DMGDH: variants seen among roughly 807,000 people sequenced by gnomAD.
DMGDH encodes the protein dimethylglycine dehydrogenase, also known as dimethylglycine dehydrogenase, mitochondrial.
DMGDH carries 76 observed loss-of-function variants against 95.2 expected under a neutral mutation model. The observed-to-expected ratio is 0.80, with a 90% CI of 0.66 to 0.97. The LOEUF (loss-of-function observed/expected upper bound fraction) is 0.97, where lower values mean the gene tolerates loss of function less well. Among genes scored for constraint, DMGDH ranks in the 50% least tolerant of loss-of-function variants. The pLI is 0.00. For synonymous variants in DMGDH, 345 were observed against 377.6 expected, an observed-to-expected ratio of 0.91 and a Z score of 1.00; for missense variants, 987 against 1,055.0, an observed-to-expected ratio of 0.94 and a Z score of 0.89.
At position 79,005,659 on chromosome 5, in the gene DMGDH, C is replaced by A. The variant is rs147240816; in HGVS notation, c.2251-252G>T. Among the ~76,000 whole-genome samples, 82 of 152,178 alleles carry A rather than the reference C, an allele frequency of 5.4e-4. 1 individual carries two copies. Among genetic ancestry groups the A allele is most frequent in the Admixed American group, 5.2e-3 (79 of 15,288 alleles). ...ACAATTTACCAGAACCAGGCAGAAA[C>A]CTAGGCAGAAAAACATAAGGCATGT... On this transcript the variant is annotated intron_variant, in intron 14 of 15. Coordinates refer to ENST00000255189, the MANE Select transcript of DMGDH (RefSeq NM_013391.3).
In DMGDH at chr5:79,030,048, T is replaced by C. The variant is rs1253889990; in HGVS notation, c.1684-14A>G. ...TGTAAAACCCACCTACATAAAAAAATTAAAAATTACCTTAGGATGAACTAA... is the reference window on the plus strand; with the variant it reads ...TGTAAAACCCACCTACATAAAAAAACTAAAAATTACCTTAGGATGAACTAA... On this transcript the variant is annotated splice_polypyrimidine_tract_variant and intron_variant, in intron 10 of 15. Transcript: ENST00000255189. 6.2e-7 allele frequency: 1 copy of C among 1,608,806 alleles called. No homozygotes were observed. Among genetic ancestry groups the C allele is most frequent in the African/African-American group, 1.3e-5 (1 of 74,574 alleles).
chr5:79,041,717 G>A (rs977143757), intron 7 of DMGDH, among the ~76,000 whole-genome samples: 10 of 151,706 alleles, frequency 6.6e-5, no homozygotes, highest in Non-Finnish European at 1.2e-4. Flanking sequence ...CCAGGAGGCC[G>A]GGTGCGGTGG....
At chr5:79,043,712 T>C (rs1449081181) in intron 6 of DMGDH, among the ~76,000 whole-genome samples, 2 of 152,220 alleles carry the variant, frequency 1.3e-5, no homozygotes, top group East Asian at 3.8e-4. Flanking sequence ...TGTGGAAGTA[T>C]TTCATGAAAA....
intron 2 of DMGDH, among the ~76,000 whole-genome samples, chr5:79,060,516 C>T (rs939261903): frequency 1.3e-5 from 2 of 152,222 alleles, no homozygotes; most frequent in African/African-American, 4.8e-5. Context: ...TCATGGAGCA[C>T]ATATCGTGCT....
At chr5:79,065,488 A>G (rs1755351947) in intron 1 of DMGDH, among the ~76,000 whole-genome samples, 1 of 152,228 alleles carries the variant, frequency 6.6e-6, no homozygotes, top group South Asian at 2.1e-4. Context: ...CTGGGATTAC[A>G]GGCATGAGCC....
At chr5:78,998,353 A>T (rs1216997524) in intron 15 of DMGDH, 56 bp from the exon 16 acceptor site, 1 of 1,535,248 alleles carries the variant, frequency 6.5e-7, no homozygotes, top group Non-Finnish European at 8.9e-7. Context: ...TGTGCTCCTC[A>T]TCTCTGGGTG....
intron 14 of DMGDH, among the ~76,000 whole-genome samples, chr5:79,009,747 C>T (rs531995875): frequency 6.6e-6 from 1 of 152,300 alleles, no homozygotes; most frequent in South Asian, 2.1e-4. Context: ...CTCAAACCAA[C>T]AAGGCTCCTG....
At chr5:79,067,337 G>A (rs1755409588) in intron 1 of DMGDH, among the ~76,000 whole-genome samples, 3 of 152,180 alleles carry the variant, frequency 2.0e-5, no homozygotes, top group African/African-American at 7.2e-5. Context: ...TAAACAGACT[G>A]GGCATATCTT....
intron 9 of DMGDH, 68 bp from the exon 10 acceptor site, chr5:79,031,066 T>C: frequency 1.9e-6 from 3 of 1,557,996 alleles, no homozygotes; most frequent in Non-Finnish European, 2.6e-6. Flanking sequence ...GAATACGATA[T>C]TTTAATAAGC....
chr5:79,044,232 G>A, intron 6 of DMGDH, 72 bp downstream of exon 6: 1 of 1,600,114 alleles, frequency 6.2e-7, no homozygotes. Flanking sequence ...TTATTCTACA[G>A]CCATCCTCCA....
At chr5:79,002,731 C>T (rs1197565690) in intron 15 of DMGDH, among the ~76,000 whole-genome samples, 1 of 152,146 alleles carries the variant, frequency 6.6e-6, no homozygotes, top group Admixed American at 6.5e-5. Flanking sequence ...CAAGTCAAGA[C>T]AAAGTCTGAA....
chr5:79,052,487 G>C (rs1362659347), intron 4 of DMGDH, among the ~76,000 whole-genome samples: 2 of 152,154 alleles, frequency 1.3e-5, no homozygotes, highest in Non-Finnish European at 2.9e-5. Flanking sequence ...ATTTATTATA[G>C]GTCTTGTGCA....
Position 79,003,947 on chromosome 5 carries a change from A to AAAAT in DMGDH, c.2385+1322_2385+1325dup, listed in dbSNP as rs562382857. Among the ~76,000 whole-genome samples the AAAAT allele has an allele frequency of 3.5e-4, 53 of 151,018 alleles. 1 individual carries two copies. In the South Asian group the frequency reaches 7.7e-3, roughly 22 times the overall value. On this transcript the variant is annotated intron_variant, in intron 15 of 15. Transcript: ENST00000255189. ...GGGCAACAGAGTAAGGCTCTGTCTCAAAATAAATAAATAAATAAATAAAAA... is the reference window on the plus strand; with the variant it reads ...GGGCAACAGAGTAAGGCTCTGTCTCAAAATAAATAAATAAATAAATAAATAAAAA...
intron 2 of DMGDH, among the ~76,000 whole-genome samples, chr5:79,061,729 G>A (rs888656283): frequency 3.3e-5 from 5 of 151,966 alleles, no homozygotes; most frequent in Admixed American, 6.6e-5. Flanking sequence ...AGACCAGCCC[G>A]GGCAACATAG....
In DMGDH at chr5:79,044,366, G is replaced by A. The variant is rs1254126456; in HGVS notation, c.932C>T (p.Pro311Leu). 1.2e-6 allele frequency: 2 copies of A among 1,614,012 alleles called. No homozygotes were observed. Among genetic ancestry groups the A allele is most frequent in the African/African-American group, 1.3e-5 (1 of 74,930 alleles). The change falls in exon 6 of 16, where the codon CCA (proline) becomes CTA (leucine). Residue 311 changes from proline (P) to leucine (L), a missense_variant. Coordinates refer to ENST00000255189, the MANE Select transcript of DMGDH (RefSeq NM_013391.3). ...TTTCATTTTCTCTTGACTTTCATAT[G>A]GACCAAACAAAAGCCCATCCCTTTC... is the stretch of plus-strand genomic sequence containing the variant. The part of the protein sequence containing the change: ...RQERDGLLFG[P>L]YESQEKMKVQ...
chr5:79,040,759 A>G (rs373091547), intron 7 of DMGDH, among the ~76,000 whole-genome samples: 17 of 152,350 alleles, frequency 1.1e-4, no homozygotes, highest in African/African-American at 4.1e-4. Flanking sequence ...CCATAGCTAA[A>G]CAATAAAAAG....
intron 5 of DMGDH, among the ~76,000 whole-genome samples, chr5:79,048,790 C>T (rs1389846307): frequency 3.3e-5 from 5 of 149,520 alleles, no homozygotes; most frequent in African/African-American, 1.3e-4. Context: ...CACACACACA[C>T]CCCTCCACAC....
rs1362357300 is a variant in DMGDH, at chr5:79,061,788, C to T, written c.276+1825G>A. On this transcript the variant is annotated intron_variant, in intron 2 of 15. Coordinates refer to ENST00000255189, the MANE Select transcript of DMGDH (RefSeq NM_013391.3). ...TTAAGAAAATAGCTGGGCATGTTAG[C>T]GCACACCTGTATAATCCTAGCTAAC... 4.6e-5 allele frequency among the ~76,000 whole-genome samples: 7 copies of T among 151,956 alleles called. No individual in the cohort carries two copies. The East Asian group carries it at 5.8e-4, about 13-fold the overall frequency.
intron 7 of DMGDH, 77 bp from the exon 8 acceptor site, chr5:79,033,485 G>A: frequency 6.5e-7 from 1 of 1,539,326 alleles, no homozygotes; most frequent in African/African-American, 1.4e-5. Flanking sequence ...CTATTTTATA[G>A]GGCTTCAAAG....
Sources: gnomAD v4.1 joint callset for allele counts (sites outside exome capture counted in the v4.1 genomes callset) on GRCh38, gnomAD v4.1.1 for gene constraint, MANE v1.5 for transcripts, NCBI Gene and HGNC (gene_info 2026-07-23, HGNC 2026-07-21) for gene names.